Variants in RPH3AL observed in about 807,000 individuals in gnomAD.
RPH3AL encodes the protein rabphilin 3A like (without C2 domains).
A neutral mutation model predicts 43.1 loss-of-function variants in RPH3AL; 38 were observed. That is an observed-to-expected ratio of 0.88 (90% CI 0.68 to 1.15). The LOEUF (loss-of-function observed/expected upper bound fraction) is 1.15, where lower values mean the gene tolerates loss of function less well. RPH3AL is among the 50% of genes most tolerant of loss of function. The probability of loss-of-function intolerance (pLI) is 0.00; values close to 1 mark genes in which losing one functional copy is unlikely to be tolerated. For missense variants in RPH3AL, 462 were observed against 423.2 expected (o/e 1.09, Z -0.81); for synonymous variants, 189 against 176.3 (o/e 1.07, Z -0.57).
At chr17:325,069 G>A (rs145130957) in intron 3 of RPH3AL, among the ~76,000 whole-genome samples, 14 of 152,208 alleles carry the variant, frequency 9.2e-5, no homozygotes, top group African/African-American at 3.4e-4. Flanking sequence ...GCGTTGGTCA[G>A]GCTGGTCTTG....
chr17:221,723 G>A (rs62059575), intron 7 of RPH3AL, among the ~76,000 whole-genome samples: 1 of 80,414 alleles, frequency 1.2e-5, no homozygotes, highest in African/African-American at 3.7e-5. Flanking sequence ...CATCAGCTCT[G>A]AGGCCTCCAC....
chr17:278,883 C>G (rs1237777488), intron 6 of RPH3AL, among the ~76,000 whole-genome samples: 3 of 152,160 alleles, frequency 2.0e-5, no homozygotes, highest in Non-Finnish European at 4.4e-5. Context: ...ACACAGGCAG[C>G]AACACCACCC....
chr17:305,082 G>C (rs1373998901), intron 5 of RPH3AL, among the ~76,000 whole-genome samples: 32 of 109,154 alleles, frequency 2.9e-4, no homozygotes, highest in Non-Finnish European at 4.4e-4. Context: ...GCGGGAGGGG[G>C]ACAGGGCGGG....
intron 3 of RPH3AL, among the ~76,000 whole-genome samples, chr17:324,710 C>CTATCTATCTATCTATCTAT (rs1204379795): frequency 0.018 from 2,776 of 151,080 alleles, 33 homozygotes; most frequent in African/African-American, 0.029. Flanking sequence ...TAGCTATGTA[C>CTATCTATCTATCTATCTAT]CTATCTATCT....
chr17:335,270 A>T (rs1438625010), intron 1 of RPH3AL, among the ~76,000 whole-genome samples: 2 of 152,128 alleles, frequency 1.3e-5, no homozygotes, highest in Admixed American at 6.5e-5. Context: ...TGCAGGGTGA[A>T]CAGTGGGAAG....
At position 296,392 on chromosome 17, in the gene RPH3AL, G is replaced by A. The variant is rs533399250; in HGVS notation, c.352-14538C>T. 8.0e-5 allele frequency among the ~76,000 whole-genome samples: 11 copies of A among 136,772 alleles called. No individual in the cohort carries two copies. The East Asian group carries it at 2.6e-3, about 32-fold the overall frequency. 89.7% of individuals were successfully genotyped at this position (136,772 alleles called of 152,430 possible). On this transcript the variant is annotated intron_variant, in intron 5 of 9. Transcript: ENST00000331302. ...GGAGGGACAGAGGAGCTGCAGAAAT[G>A]GATGGACAGAGGGAATGCACATCAG... is the stretch of plus-strand genomic sequence containing the variant.
At chr17:253,632 C>T (rs2041975097) in intron 6 of RPH3AL, among the ~76,000 whole-genome samples, 1 of 152,138 alleles carries the variant, frequency 6.6e-6, no homozygotes, top group Non-Finnish European at 1.5e-5. Flanking sequence ...CTCTCCTCTG[C>T]CCTGGCCCCT....
chr17:336,230 G>A (rs531399285), intron 1 of RPH3AL, among the ~76,000 whole-genome samples: 1 of 152,162 alleles, frequency 6.6e-6, no homozygotes, highest in African/African-American at 2.4e-5. Context: ...AACACGAGGA[G>A]GGCAGCAAGA....
chr17:335,503 C>A (rs887574506), intron 1 of RPH3AL, among the ~76,000 whole-genome samples: 1 of 152,072 alleles, frequency 6.6e-6, no homozygotes, highest in African/African-American at 2.4e-5. Context: ...CCCGGCCGGC[C>A]CGTAGACTGA....
intron 6 of RPH3AL, among the ~76,000 whole-genome samples, chr17:257,261 G>A (rs2042073065): frequency 7.1e-5 from 2 of 28,228 alleles, no homozygotes; most frequent in African/African-American, 1.9e-4. Flanking sequence ...GAGGGGAGCC[G>A]CACGGCGTCT....
intron 7 of RPH3AL, among the ~76,000 whole-genome samples, chr17:238,421 AGAG>A (rs1001465612): frequency 6.7e-6 from 1 of 150,312 alleles, no homozygotes; most frequent in African/African-American, 2.4e-5. Flanking sequence ...TGGAGGTTGA[AGAG>A]AAGAAGCCGC....
intron 6 of RPH3AL, among the ~76,000 whole-genome samples, chr17:265,358 A>T (rs2042295892): frequency 6.6e-6 from 1 of 152,196 alleles, no homozygotes; most frequent in Admixed American, 6.5e-5. Context: ...GGCCTCTCAA[A>T]GTGCTGGGAT....
At chr17:271,243 T>C (rs1392724244) in intron 6 of RPH3AL, among the ~76,000 whole-genome samples, 1 of 152,246 alleles carries the variant, frequency 6.6e-6, no homozygotes, top group Admixed American at 6.5e-5. Flanking sequence ...GGCTTAGAAT[T>C]GACTTGGCAA....
At chr17:300,170 CACTCTA>C (rs2043291781) in intron 5 of RPH3AL, among the ~76,000 whole-genome samples, 1 of 74,724 alleles carries the variant, frequency 1.3e-5, no homozygotes, top group African/African-American at 5.2e-5. Flanking sequence ...ATCTCTCACC[CACTCTA>C]GAAGGGGCTG....
chr17:346,394 G>A (rs2045237465), intron 1 of RPH3AL, among the ~76,000 whole-genome samples: 1 of 135,330 alleles, frequency 7.4e-6, no homozygotes, highest in Non-Finnish European at 1.7e-5. Context: ...GTTCCACGTG[G>A]CTGGGGAAGC....
At chr17:281,689 C>A in intron 6 of RPH3AL, 79 bp downstream of exon 6, 1 of 703,590 alleles carries the variant, frequency 1.4e-6, no homozygotes. Context: ...CCCACCGTCA[C>A]CCTGACCGTC....
intron 7 of RPH3AL, among the ~76,000 whole-genome samples, chr17:244,861 G>C (rs1555539081): frequency 6.6e-6 from 1 of 152,104 alleles, no homozygotes; most frequent in African/African-American, 2.4e-5. Context: ...GGGCAACCGT[G>C]TGTGTGCATA....
chr17:331,825 A>T (rs1253984157), intron 2 of RPH3AL: 1 of 1,289,098 alleles, frequency 7.8e-7, no homozygotes, highest in Non-Finnish European at 1.0e-6. Context: ...TCCAGAGAGC[A>T]GTGCCCTGTG....
At position 271,648 on chromosome 17, in the gene RPH3AL, T is replaced by A. The variant is rs552881865; in HGVS notation, c.438+10120A>T. On this transcript the variant is annotated intron_variant, in intron 6 of 9. Transcript: ENST00000331302. ...CCTGAGACTTTGCTGAAGTTGCTTA[T>A]CAGCTTAAGGAGATTTTGGGCTGAG... Among the ~76,000 whole-genome samples, 24 of 152,340 alleles carry A rather than the reference T, an allele frequency of 1.6e-4. No individual in the cohort carries two copies. In the South Asian group the frequency reaches 5.0e-3, roughly 32 times the overall value.
Sources: gnomAD v4.1 joint callset for allele counts (sites outside exome capture counted in the v4.1 genomes callset) on GRCh38, gnomAD v4.1.1 for gene constraint, MANE v1.5 for transcripts, NCBI Gene and HGNC (gene_info 2026-07-23, HGNC 2026-07-21) for gene names.